IL1RAPL2: variants seen among roughly 807,000 people sequenced by gnomAD.
IL1RAPL2 encodes the protein interleukin 1 receptor accessory protein like 2, also known as X-linked interleukin-1 receptor accessory protein-like 2.
In IL1RAPL2, 3 loss-of-function variants were observed where a neutral mutation model predicts 44.1. That is an observed-to-expected ratio of 0.07 (90% CI 0.03 to 0.18). The LOEUF (loss-of-function observed/expected upper bound fraction) is 0.18, where lower values mean the gene tolerates loss of function less well. IL1RAPL2 is among the 10% of genes least tolerant of loss of function. The pLI is 1.00. For missense variants in IL1RAPL2, 391 were observed against 496.4 expected (o/e 0.79, Z 2.02); for synonymous variants, 181 against 178.8 (o/e 1.01, Z -0.10).
At chrX:105,551,118 C>T (rs1284733854) in intron 6 of IL1RAPL2, among the ~76,000 whole-genome samples, 1 of 110,347 alleles carries the variant, frequency 9.1e-6, no homozygotes. Flanking sequence ...TCCTGATACC[C>T]AGCCTAATGT....
intron 2 of IL1RAPL2, among the ~76,000 whole-genome samples, chrX:104,906,786 G>C (rs1382564144): frequency 5.4e-5 from 6 of 111,678 alleles, no homozygotes. Context: ...TTGTGTCTCT[G>C]CCTGGCTTTG....
chrX:104,981,458 T>C (rs1219570133), intron 2 of IL1RAPL2, among the ~76,000 whole-genome samples: 1 of 111,128 alleles, frequency 9.0e-6, no homozygotes, highest in Non-Finnish European at 1.9e-5. Flanking sequence ...TTGCTGAAGT[T>C]ATCGGATCTA....
chrX:104,749,762 C>T (rs1413493774), intron 2 of IL1RAPL2, among the ~76,000 whole-genome samples: 3 of 111,350 alleles, frequency 2.7e-5, no homozygotes, highest in Non-Finnish European at 5.7e-5. Context: ...GTAGTTCCTG[C>T]CTTTGATGAG....
chrX:104,570,600 A>G (rs983675985), intron 1 of IL1RAPL2, among the ~76,000 whole-genome samples: 3 of 112,144 alleles, frequency 2.7e-5, no homozygotes, highest in Non-Finnish European at 5.6e-5. Flanking sequence ...AGCTACCGCT[A>G]TTTGGGCTGG....
chrX:105,435,069 A>G (rs1161997090), intron 5 of IL1RAPL2, among the ~76,000 whole-genome samples: 1 of 111,548 alleles, frequency 9.0e-6, no homozygotes, highest in Non-Finnish European at 1.9e-5. Flanking sequence ...CCATTGATCT[A>G]TATGTCTGTT....
chrX:104,931,376 T>TA (rs11459071), intron 2 of IL1RAPL2, among the ~76,000 whole-genome samples: 1,199 of 75,312 alleles, frequency 0.016, 23 homozygotes, highest in African/African-American at 0.048. Flanking sequence ...CCACCTCCCC[T>TA]AAAAAAAAAA....
chrX:104,881,547 C>T (rs958745651), intron 2 of IL1RAPL2, among the ~76,000 whole-genome samples: 3 of 112,162 alleles, frequency 2.7e-5, no homozygotes, highest in Non-Finnish European at 5.6e-5. Context: ...GTTTTGCATG[C>T]TGTACTCTGT....
intron 2 of IL1RAPL2, among the ~76,000 whole-genome samples, chrX:104,831,088 A>T: frequency 8.9e-6 from 1 of 111,853 alleles, no homozygotes; most frequent in Admixed American, 9.6e-5. Context: ...CAGGAAAGTT[A>T]TGTAGCACTT....
At chrX:105,285,072 C>T (rs151224627) in intron 5 of IL1RAPL2, among the ~76,000 whole-genome samples, 47 of 112,237 alleles carry the variant, frequency 4.2e-4, no homozygotes, top group Middle Eastern at 4.6e-3. Flanking sequence ...GTGAGTAACA[C>T]CTGCTCCTTG....
intron 2 of IL1RAPL2, among the ~76,000 whole-genome samples, chrX:105,187,252 T>G (rs1379272046): frequency 8.9e-6 from 1 of 112,501 alleles, no homozygotes; most frequent in Admixed American, 9.4e-5. Flanking sequence ...ATTATTTTCC[T>G]TCCAGCCTTT....
intron 3 of IL1RAPL2, among the ~76,000 whole-genome samples, chrX:105,204,079 C>T (rs1283783875): frequency 9.0e-6 from 1 of 111,298 alleles, no homozygotes; most frequent in Non-Finnish European, 1.9e-5. Context: ...GTATAGTCAT[C>T]TTAAAGTAGG....
At chrX:105,666,092 T>G (rs1234789177) in intron 6 of IL1RAPL2, among the ~76,000 whole-genome samples, 3 of 109,916 alleles carry the variant, frequency 2.7e-5, no homozygotes, top group Non-Finnish European at 5.7e-5. Context: ...GTTTTTTTTT[T>G]TTTTTGCTGT....
chrX:105,593,123 G>A (rs911609381), intron 6 of IL1RAPL2, among the ~76,000 whole-genome samples: 5 of 111,524 alleles, frequency 4.5e-5, no homozygotes, highest in Non-Finnish European at 5.7e-5. Context: ...AGTCTTGTTC[G>A]TTCTTTTTTT....
At chrX:105,312,463 T>G (rs758941949) in intron 5 of IL1RAPL2, among the ~76,000 whole-genome samples, 435 of 111,843 alleles carry the variant, frequency 3.9e-3, no homozygotes, top group Non-Finnish European at 5.7e-3. Context: ...AGATAACTTA[T>G]GTCCTACCAT....
rs1385566912 is a variant in IL1RAPL2 at position 105,169,665 on chromosome X, A to G, written c.83-25810A>G. ...TGCCTCAGCCTCCCAAGTAGCTGGG[A>G]TTACAGGTGCATGCCACCACACCTG... On this transcript the variant is annotated intron_variant, in intron 2 of 10. Coordinates refer to ENST00000372582, the MANE Select transcript of IL1RAPL2 (RefSeq NM_017416.2). Among the ~76,000 whole-genome samples, 6 of 106,948 alleles carry G rather than the reference A, an allele frequency of 5.6e-5. No homozygotes were observed. The East Asian group carries it at 1.8e-3, about 32-fold the overall frequency. 92.9% of individuals were successfully genotyped at this position (106,948 alleles called of 115,157 possible). A position where few individuals can be genotyped will look rare whatever the true frequency, so the allele number is the denominator to read the frequency against.
chrX:104,604,391 G>C (rs781045589), intron 1 of IL1RAPL2, among the ~76,000 whole-genome samples: 1 of 110,842 alleles, frequency 9.0e-6, no homozygotes, highest in South Asian at 3.8e-4. Context: ...TGAAGAAACT[G>C]CATCAACTAA....
intron 1 of IL1RAPL2, among the ~76,000 whole-genome samples, chrX:104,581,135 T>C (rs1928336221): frequency 8.9e-6 from 1 of 112,287 alleles, no homozygotes; most frequent in Non-Finnish European, 1.9e-5. Flanking sequence ...ACAAAGCAAA[T>C]GGGCTTCTGG....
chrX:104,802,163 G>A (rs1314614804), intron 2 of IL1RAPL2, among the ~76,000 whole-genome samples: 4 of 109,997 alleles, frequency 3.6e-5, no homozygotes, highest in African/African-American at 1.3e-4. Flanking sequence ...TGGCCAACTT[G>A]GTGAAACCCT....
chrX:104,901,631 A>G (rs1038059658), intron 2 of IL1RAPL2, among the ~76,000 whole-genome samples: 4 of 110,225 alleles, frequency 3.6e-5, no homozygotes, highest in African/African-American at 1.3e-4. Context: ...GCTGGTACCC[A>G]CTCCCATAGT....
Sources: gnomAD v4.1 joint callset for allele counts (sites outside exome capture counted in the v4.1 genomes callset) on GRCh38, gnomAD v4.1.1 for gene constraint, MANE v1.5 for transcripts, NCBI Gene and HGNC (gene_info 2026-07-23, HGNC 2026-07-21) for gene names.